Variants in CACNA2D1 observed in about 807,000 individuals in gnomAD.
The protein encoded by CACNA2D1 is calcium voltage-gated channel auxiliary subunit alpha2delta 1, also known as voltage-dependent calcium channel subunit alpha-2/delta-1.
A neutral mutation model predicts 171.5 loss-of-function variants in CACNA2D1; 53 were observed. The observed-to-expected ratio is 0.31, with a 90% CI of 0.25 to 0.39. The LOEUF (loss-of-function observed/expected upper bound fraction) is 0.39. Ranked by LOEUF, CACNA2D1 falls within the 10% of genes least tolerant of loss-of-function variation. The probability of loss-of-function intolerance (pLI) is 1.00; values close to 1 mark genes in which losing one functional copy is unlikely to be tolerated. For missense variants in CACNA2D1, 903 were observed against 1,299.8 expected (o/e 0.69, Z 4.69); for synonymous variants, 442 against 443.1 (o/e 1.00, Z 0.03).
chr7:82,169,859 T>A (rs1795836964), intron 4 of CACNA2D1, among the ~76,000 whole-genome samples: 1 of 151,912 alleles, frequency 6.6e-6, no homozygotes, highest in Non-Finnish European at 1.5e-5. Flanking sequence ...GGAATTTTTT[T>A]TTTTTTACTG....
chr7:82,161,311 A>G lies in CACNA2D1; in HGVS notation c.354+9239T>C, dbSNP rs538000400. Among the ~76,000 whole-genome samples the G allele has an allele frequency of 8.4e-4, 128 of 152,142 alleles. 3 individuals are homozygous for G. The South Asian group carries it at 0.016, about 19-fold the overall frequency. On this transcript the variant is annotated intron_variant, in intron 4 of 38. Coordinates refer to ENST00000356860, the MANE Select transcript of CACNA2D1 (RefSeq NM_000722.4). ...CCCCATGGTTTTCTTTGATTCCTTC[A>G]GCTTAAAATATTTTGGGGTAGCATG...
rs185577831 is a variant in CACNA2D1, at chr7:82,070,918, C to T, written c.659-4394G>A. 6.6e-5 allele frequency among the ~76,000 whole-genome samples: 10 copies of T among 152,020 alleles called. No homozygotes were observed. In the East Asian group the frequency reaches 1.4e-3, roughly 21 times the overall value. ...TTCAAGTAATCCACCACAGAGATGA[C>T]GGAGATGAGGATAAGCTAAATTTAG... On this transcript the variant is annotated intron_variant, in intron 7 of 38. Coordinates refer to ENST00000356860, the MANE Select transcript of CACNA2D1 (RefSeq NM_000722.4).
intron 3 of CACNA2D1, among the ~76,000 whole-genome samples, chr7:82,220,773 TC>T (rs1282871278): frequency 8.3e-6 from 1 of 121,142 alleles, no homozygotes; most frequent in Non-Finnish European, 1.8e-5. Context: ...TTTCTTTCTT[TC>T]TTTTTTCTTT....
At chr7:82,194,002 C>T (rs1798602622) in intron 3 of CACNA2D1, among the ~76,000 whole-genome samples, 1 of 151,910 alleles carries the variant, frequency 6.6e-6, no homozygotes, top group East Asian at 1.9e-4. Flanking sequence ...ATAATTTTGG[C>T]ATCAAAATTA....
intron 3 of CACNA2D1, among the ~76,000 whole-genome samples, chr7:82,316,238 C>T (rs909654694): frequency 6.6e-5 from 10 of 152,112 alleles, no homozygotes; most frequent in African/African-American, 2.4e-4. Flanking sequence ...CAACACTGTT[C>T]TAATAACTGA....
intron 3 of CACNA2D1, among the ~76,000 whole-genome samples, chr7:82,230,180 C>G (rs1447612426): frequency 6.6e-6 from 1 of 152,142 alleles, no homozygotes. Context: ...TTCCAGGCAC[C>G]ACAGCCTCCC....
rs112723300 is a variant in CACNA2D1, at chr7:82,011,697, A to T, written c.1362+457T>A. Among the ~76,000 whole-genome samples, 1,268 of 152,268 alleles carry T rather than the reference A, an allele frequency of 8.3e-3. 17 individuals carry two copies. The highest frequency in any genetic ancestry group is 0.029 in the African/African-American group (1,212 of 41,558). ...GTAAAGTTTTTGCCTATCTAATCGC[A>T]TGTACTCCTGAGTTTTAGCAGATCC... On this transcript the variant is annotated intron_variant, in intron 15 of 38. Transcript: ENST00000356860.
intron 20 of CACNA2D1, among the ~76,000 whole-genome samples, chr7:81,993,953 T>C (rs1797801243): frequency 6.6e-6 from 1 of 152,016 alleles, no homozygotes; most frequent in Non-Finnish European, 1.5e-5. Context: ...GAAAGGTAAA[T>C]ATACCTCCCT....
At chr7:82,221,701 A>T (rs1461943191) in intron 3 of CACNA2D1, among the ~76,000 whole-genome samples, 1 of 151,562 alleles carries the variant, frequency 6.6e-6, no homozygotes, top group East Asian at 2.0e-4. Flanking sequence ...CCAAGATCCC[A>T]CTACTGCACT....
intron 3 of CACNA2D1, among the ~76,000 whole-genome samples, chr7:82,313,915 CA>C (rs1341137155): frequency 6.6e-6 from 1 of 152,062 alleles, no homozygotes; most frequent in African/African-American, 2.4e-5. Flanking sequence ...ACTCCAAAAT[CA>C]GCACTAAAAA....
chr7:82,042,713 G>C (rs1156689082), intron 10 of CACNA2D1, among the ~76,000 whole-genome samples: 1 of 151,998 alleles, frequency 6.6e-6, no homozygotes, highest in African/African-American at 2.4e-5. Context: ...CACATCTCTT[G>C]TTCCTTCTGC....
intron 19 of CACNA2D1, among the ~76,000 whole-genome samples, 171 bp from the exon 20 acceptor site, chr7:81,995,110 G>A (rs1797910114): frequency 6.6e-6 from 1 of 152,018 alleles, no homozygotes; most frequent in Non-Finnish European, 1.5e-5. Context: ...ATTTTTTTAA[G>A]TTACCATATT....
At chr7:82,394,822 G>A (rs1025652146) in intron 1 of CACNA2D1, among the ~76,000 whole-genome samples, 10 of 152,252 alleles carry the variant, frequency 6.6e-5, no homozygotes, top group African/African-American at 2.2e-4. Flanking sequence ...TTTTATTAGT[G>A]AGAATGTACA....
At chr7:82,357,219 AGAG>A (rs1162047755) in intron 1 of CACNA2D1, among the ~76,000 whole-genome samples, 2 of 152,148 alleles carry the variant, frequency 1.3e-5, no homozygotes, top group Non-Finnish European at 2.9e-5. Flanking sequence ...GGCTTTCAAA[AGAG>A]TAGTGCAGTG....
chr7:82,410,690 A>G lies in CACNA2D1; in HGVS notation c.95+32675T>C, dbSNP rs942212936. Among the ~76,000 whole-genome samples the G allele has an allele frequency of 7.9e-4, 120 of 152,322 alleles. 1 individual carries two copies. Among genetic ancestry groups the G allele is most frequent in the South Asian group, 8.3e-4 (4 of 4,826 alleles). On this transcript the variant is annotated intron_variant, in intron 1 of 38. Coordinates refer to ENST00000356860, the MANE Select transcript of CACNA2D1 (RefSeq NM_000722.4). The stretch of plus-strand genomic sequence containing the variant: ...TCCCAACTGCTGCTAGCAGAGCTCT[A>G]AAAATAAAGCGACAAAAGCACGGGG...
At chr7:82,387,821 T>C (rs10156113) in intron 1 of CACNA2D1, among the ~76,000 whole-genome samples, 38,159 of 151,992 alleles carry the variant, frequency 0.25, 5,717 homozygotes, top group African/African-American at 0.42. Flanking sequence ...TGGCTCATGC[T>C]TGTAATCCCA....
At chr7:82,353,081 T>C (rs1820038291) in intron 1 of CACNA2D1, among the ~76,000 whole-genome samples, 1 of 152,168 alleles carries the variant, frequency 6.6e-6, no homozygotes, top group Non-Finnish European at 1.5e-5. Context: ...ACTGAATGGA[T>C]GGTAGCTTAA....
chr7:81,961,573 GAAA>G (rs1169260622), intron 36 of CACNA2D1, among the ~76,000 whole-genome samples: 2 of 150,760 alleles, frequency 1.3e-5, no homozygotes, highest in Non-Finnish European at 3.0e-5. Context: ...GTTATTTTAG[GAAA>G]AAAAGTTAAA....
intron 7 of CACNA2D1, among the ~76,000 whole-genome samples, chr7:82,083,186 T>C (rs924803532): frequency 3.3e-5 from 5 of 152,084 alleles, no homozygotes; most frequent in Admixed American, 2.0e-4. Flanking sequence ...ATATGGAATA[T>C]TGTTATGATA....
Sources: allele counts gnomAD v4.1 joint callset (sites outside exome capture counted in the v4.1 genomes callset), GRCh38; gene constraint gnomAD v4.1.1; transcripts MANE v1.5; gene names NCBI Gene and HGNC (gene_info 2026-07-23, HGNC 2026-07-21).